HIPK4: variants seen among roughly 807,000 people sequenced by gnomAD.
HIPK4 encodes the protein homeodomain interacting protein kinase 4, also known as homeodomain-interacting protein kinase 4.
A neutral mutation model predicts 44.8 loss-of-function variants in HIPK4; 26 were observed. That is an observed-to-expected ratio of 0.58 (90% confidence interval 0.43 to 0.80). The LOEUF (loss-of-function observed/expected upper bound fraction) is 0.80. Among genes scored for constraint, HIPK4 ranks in the 30% least tolerant of loss-of-function variants. The pLI, the probability that HIPK4 is intolerant of heterozygous loss-of-function variation, is 0.00. For missense variants in HIPK4, 729 were observed against 862.6 expected (o/e 0.85, Z 1.94); for synonymous variants, 340 against 355.5 (o/e 0.96, Z 0.49).
chr19:40,380,817 AG>A lies in HIPK4; in HGVS notation c.1173del (p.Tyr392ThrfsTer41). ...TPVVAAEDGT[P>X]YYCLAEEKEA... ...TCCTTCTCCTCAGCCAGACAGTAGT[AG>A]GGGGTCCCATCTTCTGCGGCCACGA... On this transcript the variant is annotated frameshift_variant, in exon 3 of 4. Coordinates refer to ENST00000291823, the MANE Select transcript of HIPK4 (RefSeq NM_144685.5). LOFTEE classifies it high-confidence loss of function. The surrounding 1 kb of genome is among the most constrained non-coding windows in gnomAD (Gnocchi z 4.2). The A allele has an allele frequency of 6.2e-7, 1 of 1,612,660 alleles. No individual in the cohort carries two copies. The highest frequency in any genetic ancestry group is 8.5e-7 in the Non-Finnish European group (1 of 1,178,844).
chr19:40,383,741 A>T, intron 2 of HIPK4, 42 bp downstream of exon 2: 1 of 1,476,526 alleles, frequency 6.8e-7, no homozygotes, highest in Non-Finnish European at 9.2e-7. Flanking sequence ...TTTTCATGTA[A>T]CAGCCCCCAC....
At chr19:40,383,583 G>T (rs1599643422) in intron 2 of HIPK4, among the ~76,000 whole-genome samples, 200 bp downstream of exon 2, 1 of 151,782 alleles carries the variant, frequency 6.6e-6, no homozygotes, top group South Asian at 2.1e-4. Flanking sequence ...GTGCCCAGCT[G>T]ATTTTTTTTT....
chr19:40,386,399 G>T (rs926192650), intron 1 of HIPK4, among the ~76,000 whole-genome samples: 3 of 151,980 alleles, frequency 2.0e-5, no homozygotes, highest in African/African-American at 4.8e-5. Flanking sequence ...TATCACCCAG[G>T]CTGGAGTACA....
Position 40,389,675 on chromosome 19 carries a change from A to C in HIPK4, c.228T>G (p.Leu76=). The C allele has an allele frequency of 6.2e-7, 1 of 1,614,198 alleles. No individual in the cohort carries two copies. The highest frequency in any genetic ancestry group is 8.5e-7 in the Non-Finnish European group (1 of 1,180,026). ...ACTTGAGGGCGTCATGGAAGAACTC[A>C]AGGAAGCGGATGACGTGGGCCTCTT... is the stretch of plus-strand genomic sequence containing the variant. ...DPEEAHVIRF[L]EFFHDALKFY... is the part of the protein sequence containing the mutation. The change falls in exon 1 of 4, where the codon CTT becomes CTG. Residue 76 remains leucine, a synonymous_variant. Coordinates refer to ENST00000291823, the MANE Select transcript of HIPK4 (RefSeq NM_144685.5). The surrounding 1 kb of genome is among the most constrained non-coding windows in gnomAD (Gnocchi z 4.6).
intron 2 of HIPK4, among the ~76,000 whole-genome samples, chr19:40,383,227 C>T (rs1314201909): frequency 2.6e-5 from 4 of 151,156 alleles, no homozygotes; most frequent in East Asian, 2.0e-4. Context: ...GAATTACAGG[C>T]GTCTGCCACT....
intron 1 of HIPK4, among the ~76,000 whole-genome samples, chr19:40,386,949 C>T (rs1033142967): frequency 1.3e-5 from 2 of 151,312 alleles, no homozygotes; most frequent in South Asian, 2.1e-4. Flanking sequence ...CCACCTTCCA[C>T]GTTCAAGCGA....
In HIPK4 at chr19:40,379,811, T is replaced by C. The variant is rs1413177514; in HGVS notation, c.1669-42A>G. 3.8e-6 allele frequency: 6 copies of C among 1,578,834 alleles called. No homozygotes were observed. In the African/African-American group the frequency reaches 4.1e-5, roughly 11 times the overall value. On this transcript the variant is annotated intron_variant, in intron 3 of 3. Coordinates refer to ENST00000291823, the MANE Select transcript of HIPK4 (RefSeq NM_144685.5). The stretch of plus-strand genomic sequence containing the variant: ...AGGGGCATCAGCCAAGCAGTGTTAG[T>C]GTATTAGTGTCTGCTGAGCCTCTGT...
intron 2 of HIPK4, 41 bp downstream of exon 2, chr19:40,383,742 C>G (rs776301359): frequency 4.7e-6 from 7 of 1,477,166 alleles, no homozygotes; most frequent in Non-Finnish European, 6.4e-6. Context: ...TTTCATGTAA[C>G]AGCCCCCACA....
chr19:40,385,743 T>C (rs1599644737), intron 1 of HIPK4, among the ~76,000 whole-genome samples: 1 of 148,852 alleles, frequency 6.7e-6, no homozygotes, highest in East Asian at 2.0e-4. Context: ...GTTTTGCTCT[T>C]GTCACCCAGG....
At chr19:40,381,936 G>C (rs2079339299) in intron 2 of HIPK4, among the ~76,000 whole-genome samples, 1 of 151,908 alleles carries the variant, frequency 6.6e-6, no homozygotes, top group South Asian at 2.1e-4. Context: ...CTCCTGAGCA[G>C]CTGGAATTAC....
intron 2 of HIPK4, among the ~76,000 whole-genome samples, chr19:40,381,784 C>CTTTTTTTTTTTT (rs55780075): frequency 1.1e-4 from 8 of 72,326 alleles, no homozygotes; most frequent in African/African-American, 1.6e-4. Flanking sequence ...CACTCAGATC[C>CTTTTTTTTTTTT]TTTTTTTTTT....
Position 40,386,465 on chromosome 19 carries a change from C to T in HIPK4, c.466-2326G>A, listed in dbSNP as rs1272658005. On this transcript the variant is annotated intron_variant, in intron 1 of 3. Coordinates refer to ENST00000291823, the MANE Select transcript of HIPK4 (RefSeq NM_144685.5). ...AACTCCAGGGCTCACAAGATCCTCC[C>T]GCCTCAGCCTCCTGAGTAGCTGGGA... is the stretch of plus-strand genomic sequence containing the variant. 2.6e-5 allele frequency among the ~76,000 whole-genome samples: 4 copies of T among 150,970 alleles called. No individual in the cohort carries two copies. The East Asian group carries it at 5.9e-4, about 22-fold the overall frequency.
rs1197327822 is a variant in HIPK4, at chr19:40,379,442, C to T, written c.*145G>A. On this transcript the variant is annotated 3_prime_UTR_variant, in exon 4 of 4. Transcript: ENST00000291823. ...GTGCAGGCACGCACCGCACCGCAGA[C>T]GGGGAATGAGAATTTCTGGATAACT... 6 of 745,010 alleles carry T rather than the reference C, an allele frequency of 8.1e-6. No individual in the cohort carries two copies. The highest frequency in any genetic ancestry group is 6.0e-5 in the South Asian group (3 of 49,820). The allele number at this position is 745,010 out of a possible 1,614,324, so 46.1% of individuals were successfully genotyped here. A position where few individuals can be genotyped will look rare whatever the true frequency, so the allele number is the denominator to read the frequency against.
Position 40,381,062 on chromosome 19 carries a change from G to T in HIPK4, c.929C>A (p.Ala310Glu). The change falls in exon 3 of 4, where the codon GCG becomes GAG. Residue 310 changes from alanine to glutamate, a missense_variant. Physicochemically the swap from Ala to Glu is moderately radical, Grantham distance 107 (BLOSUM62 -1). Around this residue, in one of 2 missense-constraint regions of HIPK4, gnomAD observed 533 missense variants for 567.5 expected, o/e 0.94. Transcript: ENST00000291823. ...ASRLTFPDRE[A>E]LAEHADLKSM... ...CTTGAGGTCGGCGTGCTCCGCCAGC[G>T]CCTCCCGGTCAGGGAAGGTTAGCCG... The T allele has an allele frequency of 6.2e-7, 1 of 1,613,128 alleles. No individual in the cohort carries two copies. The highest frequency in any genetic ancestry group is 8.5e-7 in the Non-Finnish European group (1 of 1,179,988).
rs754622345 is a variant in HIPK4, at chr19:40,389,558, T to C, written c.345A>G (p.Thr115=). 1 of 1,613,898 alleles carries C rather than the reference T, an allele frequency of 6.2e-7. No individual in the cohort carries two copies. Among genetic ancestry groups the C allele is most frequent in the Admixed American group, 1.7e-5 (1 of 59,970 alleles). ...GGGCTGTGAGCACCTGCAGGGTGACTGTACGGATGTGGCGGGCGGGGAGGG... is the reference window on the plus strand; with the variant it reads ...GGGCTGTGAGCACCTGCAGGGTGACCGTACGGATGTGGCGGGCGGGGAGGG... ...FAPLPARHIR[T]VTLQVLTALA... is the part of the protein sequence containing the mutation. The change falls in exon 1 of 4, where the codon ACA becomes ACG. Residue 115 remains threonine, a synonymous_variant. Transcript: ENST00000291823. The surrounding 1 kb of genome is among the most constrained non-coding windows in gnomAD (Gnocchi z 4.6).
In HIPK4 at chr19:40,389,375, G is replaced by A. The variant is rs75942397; in HGVS notation, c.465+63C>T. 5.9e-4 allele frequency: 490 copies of A among 828,452 alleles called. 6 individuals carry two copies. The East Asian group carries it at 0.015, about 25-fold the overall frequency. The allele number at this position is 828,452 out of a possible 1,614,324, so 51.3% of individuals were successfully genotyped here. A position where few individuals can be genotyped will look rare whatever the true frequency, so the allele number is the denominator to read the frequency against. Reference sequence around the variant, plus strand: ...AAAATTAAAAAAAAAATCTAGGGCTGGAAGAAGCTGGGAAAAAGACAAGGA... The same window carrying A: ...AAAATTAAAAAAAAAATCTAGGGCTAGAAGAAGCTGGGAAAAAGACAAGGA... On this transcript the variant is annotated intron_variant, in intron 1 of 3. Transcript: ENST00000291823. This position sits in a 1 kb window ranked among gnomAD's most constrained non-coding sequence, Gnocchi z 4.6.
chr19:40,383,881 C>T lies in HIPK4; in HGVS notation c.724G>A (p.Ala242Thr), dbSNP rs888213578. ...GLPKPHLLHA[A>T]CKAHHFFKRN... The stretch of plus-strand genomic sequence containing the variant: ...TTGAAGAAGTGGTGGGCCTTGCAGG[C>T]GGCGTGCAACAGGTGTGGCTTGGGC... Residue 242 changes from alanine to threonine, a missense_variant, in exon 2 of 4, where the codon GCC becomes ACC. Physicochemically the swap from Ala to Thr is moderately conservative, Grantham distance 58. Coordinates refer to ENST00000291823, the MANE Select transcript of HIPK4 (RefSeq NM_144685.5). 7 of 1,614,010 alleles carry T rather than the reference C, an allele frequency of 4.3e-6. No individual in the cohort carries two copies. Among genetic ancestry groups the T allele is most frequent in the Non-Finnish European group, 5.9e-6 (7 of 1,180,020 alleles).
intron 1 of HIPK4, among the ~76,000 whole-genome samples, chr19:40,387,775 G>GC (rs1485061708): frequency 1.3e-5 from 2 of 152,064 alleles, no homozygotes; most frequent in African/African-American, 4.8e-5. Context: ...CACCACACCT[G>GC]GCCAGCCTGT....
chr19:40,388,013 G>GTTTTT (rs71171566), intron 1 of HIPK4, among the ~76,000 whole-genome samples: 4 of 113,036 alleles, frequency 3.5e-5, no homozygotes, highest in Admixed American at 9.9e-5. Context: ...TTTTAGTTTA[G>GTTTTT]TTTTTTTTTT....
Sources: gnomAD v4.1 joint callset for allele counts (sites outside exome capture counted in the v4.1 genomes callset) on GRCh38, gnomAD v4.1.1 for gene constraint, gnomAD v4.1.1 regional missense constraint, Gnocchi (gnomAD v3.1) non-coding constraint, MANE v1.5 for transcripts, NCBI Gene and HGNC (gene_info 2026-07-23, HGNC 2026-07-21) for gene names.